Variants in CSMD2 observed in about 807,000 individuals in gnomAD.
CSMD2 encodes CUB and sushi domain-containing protein 2.
A neutral mutation model predicts 398.5 loss-of-function variants in CSMD2; 130 were observed. That is an observed-to-expected ratio of 0.33 (90% CI 0.28 to 0.38). The LOEUF is 0.38. CSMD2 is among the 10% of genes least tolerant of loss of function. CSMD2 has a pLI of 1.00. For missense variants in CSMD2, 3,829 were observed against 4,764.9 expected (o/e 0.80, Z 5.78); for synonymous variants, 1,828 against 1,908.5 (o/e 0.96, Z 1.10).
At position 34,104,911 on chromosome 1, in the gene CSMD2, C is replaced by A. The variant is rs117880686; in HGVS notation, c.188-15718G>T. ...CCTCAGTCACACCACTAATTTGTCA[C>A]CTGCAGTGCTTGGCCCTTTGCCTCA... On this transcript the variant is annotated intron_variant, in intron 1 of 70. Transcript: ENST00000373381. Among the ~76,000 whole-genome samples, 221 of 152,320 alleles carry A rather than the reference C, an allele frequency of 1.5e-3. 4 individuals are homozygous for A. In the East Asian group the frequency reaches 0.038, roughly 26 times the overall value.
chr1:33,707,569 T>C (rs1044359369), intron 22 of CSMD2, among the ~76,000 whole-genome samples: 66 of 152,238 alleles, frequency 4.3e-4, no homozygotes, highest in Non-Finnish European at 1.0e-4. Flanking sequence ...GAGATTGTTC[T>C]ATCCCATTTC....
At chr1:33,726,753 T>G (rs1571358204) in intron 15 of CSMD2, 68 bp from the exon 16 acceptor site, 9 of 1,486,892 alleles carry the variant, frequency 6.1e-6, no homozygotes, top group Middle Eastern at 1.8e-4. Context: ...AGAAAATCTC[T>G]CTATAAAATG....
At chr1:33,813,231 A>G (rs763880254) in intron 9 of CSMD2, 11 of 152,362 alleles carry the variant, frequency 7.2e-5, no homozygotes, top group African/African-American at 2.6e-4. Context: ...TTACCACTTT[A>G]AGGGCTTAGA....
chr1:34,014,723 A>T (rs1647843342), intron 3 of CSMD2, among the ~76,000 whole-genome samples: 1 of 152,238 alleles, frequency 6.6e-6, no homozygotes, highest in Non-Finnish European at 1.5e-5. Context: ...GGGTTTTTCC[A>T]GGCCTTGTTC....
intron 55 of CSMD2, 120 bp from the exon 56 acceptor site, chr1:33,550,470 T>G (rs1187557490): frequency 9.6e-7 from 1 of 1,037,694 alleles, no homozygotes; most frequent in African/African-American, 1.6e-5. Context: ...GGGTATCTGT[T>G]GAAGCAAACT....
chr1:33,970,110 A>G (rs1213749535), intron 3 of CSMD2, among the ~76,000 whole-genome samples: 1 of 151,362 alleles, frequency 6.6e-6, no homozygotes, highest in Non-Finnish European at 1.5e-5. Flanking sequence ...CCATCTCAAA[A>G]AAAAAAAAAA....
rs142773640 is a variant in CSMD2, at chr1:33,639,834, C to T, written c.4775-3280G>A. On this transcript the variant is annotated intron_variant, in intron 29 of 70. Coordinates refer to ENST00000373381, the MANE Select transcript of CSMD2 (RefSeq NM_001281956.2). ...TAATGACAGTGATGATAGCCCCTTA[C>T]ATAGGAATATCACTTCATAATTTTC... Among the ~76,000 whole-genome samples the T allele has an allele frequency of 3.9e-5, 6 of 152,330 alleles. No individual in the cohort carries two copies. The East Asian group carries it at 1.2e-3, about 29-fold the overall frequency.
intron 25 of CSMD2, among the ~76,000 whole-genome samples, chr1:33,670,327 G>A (rs1644453958): frequency 6.6e-6 from 1 of 152,190 alleles, no homozygotes; most frequent in African/African-American, 2.4e-5. Context: ...TAGCCCCTTG[G>A]TGAATGTTGT....
chr1:33,612,668 A>C (rs1346493453), intron 40 of CSMD2, among the ~76,000 whole-genome samples: 1 of 148,368 alleles, frequency 6.7e-6, no homozygotes. Context: ...CAAGTTGCAG[A>C]TAATTTTGTG....
intron 4 of CSMD2, among the ~76,000 whole-genome samples, chr1:33,926,349 G>A (rs1156861658): frequency 6.6e-6 from 1 of 152,150 alleles, no homozygotes; most frequent in Non-Finnish European, 1.5e-5. Flanking sequence ...CTGCTTGATA[G>A]TGGTTTGGTA....
chr1:33,679,962 C>T (rs1571201904), intron 25 of CSMD2, among the ~76,000 whole-genome samples: 1 of 151,440 alleles, frequency 6.6e-6, no homozygotes, highest in Middle Eastern at 3.4e-3. Context: ...GCTCTGTCAC[C>T]CAGGCTGGAG....
intron 29 of CSMD2, among the ~76,000 whole-genome samples, chr1:33,642,957 G>A (rs1021825999): frequency 2.6e-5 from 4 of 152,174 alleles, no homozygotes; most frequent in Admixed American, 6.5e-5. Flanking sequence ...AATTTCCCCT[G>A]TGCTGAGCCC....
At chr1:33,673,079 C>A (rs1368152186) in intron 25 of CSMD2, among the ~76,000 whole-genome samples, 3 of 152,250 alleles carry the variant, frequency 2.0e-5, no homozygotes, top group Non-Finnish European at 4.4e-5. Context: ...AGGAACGCAG[C>A]TCCTCACCAG....
At chr1:33,917,123 C>G (rs377269043) in intron 5 of CSMD2, among the ~76,000 whole-genome samples, 10 of 152,194 alleles carry the variant, frequency 6.6e-5, no homozygotes, top group Admixed American at 6.5e-5. Flanking sequence ...CCGGGCCCAG[C>G]CCCGCACCCA....
intron 3 of CSMD2, among the ~76,000 whole-genome samples, chr1:33,976,888 T>TACCCCTTCCCTTTAGGTTCTTC (rs1264389358): frequency 5.3e-5 from 8 of 152,122 alleles, no homozygotes; most frequent in Non-Finnish European, 1.0e-4. Flanking sequence ...ATTGGTTCTT[T>TACCCCTTCCCTTTAGGTTCTTC]ACCCCTTCCC....
chr1:33,652,239 G>A (rs543637249), intron 28 of CSMD2, 84 bp downstream of exon 28: 3 of 1,446,578 alleles, frequency 2.1e-6, no homozygotes, highest in African/African-American at 2.8e-5. Context: ...CTACAGACCT[G>A]TGAATACTCA....
intron 1 of CSMD2, among the ~76,000 whole-genome samples, chr1:34,130,078 C>T (rs938675617): frequency 3.9e-5 from 6 of 152,146 alleles, no homozygotes; most frequent in Non-Finnish European, 5.9e-5. Flanking sequence ...CACCCTGTGC[C>T]TTTCATTCAT....
In CSMD2 at chr1:33,633,006, T is replaced by G. The variant is rs1028573951; in HGVS notation, c.5200+416A>C. ...TGAATAAAATATGTAAACGTCGAAG[T>G]AGATACAAAGACTGGAAGGAAATCC... On this transcript the variant is annotated intron_variant, in intron 32 of 70. Transcript: ENST00000373381. This position sits in a 1 kb window ranked among gnomAD's most constrained non-coding sequence, Gnocchi z 5.0. 1.3e-5 allele frequency among the ~76,000 whole-genome samples: 2 copies of G among 152,208 alleles called. No homozygotes were observed. The highest frequency in any genetic ancestry group is 4.8e-5 in the African/African-American group (2 of 41,454).
intron 44 of CSMD2, among the ~76,000 whole-genome samples, chr1:33,588,402 T>G (rs1278439334): frequency 6.6e-6 from 1 of 152,174 alleles, no homozygotes; most frequent in Non-Finnish European, 1.5e-5. Flanking sequence ...TTTTTCTTTT[T>G]TAACTAGGAA....
Sources: allele counts gnomAD v4.1 joint callset (sites outside exome capture counted in the v4.1 genomes callset), GRCh38; gene constraint gnomAD v4.1.1; non-coding constraint Gnocchi (gnomAD v3.1); transcripts MANE v1.5; gene names NCBI Gene and HGNC (gene_info 2026-07-23, HGNC 2026-07-21).